The following GPM6A variants were observed in gnomAD, a reference collection of about 807,000 sequenced individuals.
The protein encoded by GPM6A is glycoprotein M6A, also known as neuronal membrane glycoprotein M6-a.
Under a neutral mutation model 32.1 loss-of-function variants are expected in GPM6A, and 7 were observed. That is an observed-to-expected ratio of 0.22 (90% CI 0.12 to 0.41). The LOEUF (loss-of-function observed/expected upper bound fraction) is 0.41. Among genes scored for constraint, GPM6A ranks in the 10% least tolerant of loss-of-function variants. The probability of loss-of-function intolerance (pLI) is 1.00; values close to 1 mark genes in which losing one functional copy is unlikely to be tolerated. For missense variants in GPM6A, 235 were observed against 347.2 expected (o/e 0.68, Z 2.57); for synonymous variants, 130 against 123.4 (o/e 1.05, Z -0.35).
chr4:175,876,388 G>C (rs1737085824), intron 1 of GPM6A, among the ~76,000 whole-genome samples: 2 of 152,144 alleles, frequency 1.3e-5, no homozygotes, highest in Admixed American at 1.3e-4. Context: ...AAAGTAATAA[G>C]GAAGTTTTAA....
intron 6 of GPM6A, among the ~76,000 whole-genome samples, chr4:175,635,771 T>A (rs1017815810): frequency 6.6e-6 from 1 of 152,132 alleles, no homozygotes; most frequent in Admixed American, 6.6e-5. Context: ...GTTTTTCTTT[T>A]CTTTCTTCCC....
chr4:175,818,804 T>C (rs190781823), intron 1 of GPM6A, among the ~76,000 whole-genome samples: 9 of 152,264 alleles, frequency 5.9e-5, no homozygotes, highest in Admixed American at 5.9e-4. Flanking sequence ...GGCAAAACGA[T>C]AATGAGATAT....
At chr4:175,820,125 G>A (rs1241292606) in intron 1 of GPM6A, among the ~76,000 whole-genome samples, 1 of 152,156 alleles carries the variant, frequency 6.6e-6, no homozygotes, top group African/African-American at 2.4e-5. Context: ...CTCAGTGGAC[G>A]TATCTCTGAT....
chr4:175,835,093 G>T (rs979838110), intron 1 of GPM6A, among the ~76,000 whole-genome samples: 2 of 152,136 alleles, frequency 1.3e-5, no homozygotes, highest in Non-Finnish European at 2.9e-5. Flanking sequence ...TATCTTGGGC[G>T]CTTGTTAAAA....
chr4:175,930,276 G>A (rs1738985579), intron 1 of GPM6A, among the ~76,000 whole-genome samples: 1 of 151,898 alleles, frequency 6.6e-6, no homozygotes, highest in Admixed American at 6.6e-5. Flanking sequence ...AAACTGCCAG[G>A]GAAGTTTATT....
intron 1 of GPM6A, among the ~76,000 whole-genome samples, chr4:175,806,537 A>G (rs757460374): frequency 6.6e-6 from 1 of 152,246 alleles, no homozygotes; most frequent in Non-Finnish European, 1.5e-5. Flanking sequence ...ACAGACACTA[A>G]AAGAAACCAT....
chr4:175,640,790 A>G lies in GPM6A; in HGVS notation c.581T>C (p.Val194Ala). ...GCACATCCTCAAGAAATTCTCAGAG[A>G]CAGTACAAATTTTCTTTTCCTCTCC... ...TIGEEKKICT[V>A]SENFLRMCES... Residue 194 changes from valine (V) to alanine (A), a missense_variant, in exon 5 of 7, where the codon GTC becomes GCC. Val to Ala is a moderately conservative substitution (Grantham distance 64). Around this residue, in one of 3 missense-constraint regions of GPM6A, gnomAD observed 107 missense variants for 116.7 expected, o/e 0.92. Coordinates refer to ENST00000393658, the MANE Select transcript of GPM6A (RefSeq NM_201591.3). The G allele has an allele frequency of 6.2e-7, 1 of 1,610,606 alleles. No individual in the cohort carries two copies. Among genetic ancestry groups the G allele is most frequent in the Non-Finnish European group, 8.5e-7 (1 of 1,177,222 alleles).
At chr4:175,644,216 C>T (rs927614570) in intron 4 of GPM6A, among the ~76,000 whole-genome samples, 1 of 151,050 alleles carries the variant, frequency 6.6e-6, no homozygotes, top group Non-Finnish European at 1.5e-5. Flanking sequence ...CTCCGCTTCC[C>T]GGGTTCACGC....
chr4:175,667,671 G>A (rs532412158), intron 3 of GPM6A, among the ~76,000 whole-genome samples: 24 of 152,182 alleles, frequency 1.6e-4, no homozygotes, highest in African/African-American at 3.9e-4. Flanking sequence ...GAACTGTACC[G>A]TCTTTACCTT....
chr4:175,765,780 TC>T (rs1270645731), intron 1 of GPM6A, among the ~76,000 whole-genome samples: 1 of 152,174 alleles, frequency 6.6e-6, no homozygotes, highest in Non-Finnish European at 1.5e-5. Context: ...CAAATTCACT[TC>T]CTGGCTCTCT....
At chr4:175,754,162 C>T (rs904290397) in intron 1 of GPM6A, among the ~76,000 whole-genome samples, 1 of 152,092 alleles carries the variant, frequency 6.6e-6, no homozygotes, top group Non-Finnish European at 1.5e-5. Context: ...TGCTAATTCC[C>T]ACTAAAACAC....
intron 1 of GPM6A, among the ~76,000 whole-genome samples, chr4:175,753,968 G>A (rs985707094): frequency 2.6e-5 from 4 of 152,058 alleles, no homozygotes; most frequent in African/African-American, 9.7e-5. Flanking sequence ...TAAAGGGAGA[G>A]AGCATTTTCT....
chr4:175,695,590 C>T (rs1165882209), intron 2 of GPM6A, among the ~76,000 whole-genome samples: 1 of 152,192 alleles, frequency 6.6e-6, no homozygotes, highest in Non-Finnish European at 1.5e-5. Context: ...GGAGTATTTA[C>T]CCAATGCCTG....
chr4:175,727,437 T>G (rs1205811315), intron 1 of GPM6A, among the ~76,000 whole-genome samples: 1 of 152,224 alleles, frequency 6.6e-6, no homozygotes. Flanking sequence ...CAAATTCATC[T>G]TGTCTGTATT....
intron 1 of GPM6A, among the ~76,000 whole-genome samples, chr4:175,856,014 C>T (rs947728148): frequency 1.4e-4 from 22 of 152,032 alleles, no homozygotes; most frequent in Non-Finnish European, 2.6e-4. Context: ...ATGACTGATT[C>T]TAGGACTGGG....
intron 1 of GPM6A, among the ~76,000 whole-genome samples, chr4:175,983,440 C>G (rs569704660): frequency 6.6e-6 from 1 of 152,270 alleles, no homozygotes; most frequent in South Asian, 2.1e-4. Context: ...TGTCCTTTAA[C>G]AGGTTAAGGA....
At chr4:175,877,021 C>T (rs187675502) in intron 1 of GPM6A, among the ~76,000 whole-genome samples, 107 of 152,270 alleles carry the variant, frequency 7.0e-4, no homozygotes, top group African/African-American at 2.5e-3. Flanking sequence ...AAACCAGCTC[C>T]CCAGCTTTGG....
Position 175,725,993 on chromosome 4 carries a change from C to CTTTTTTTTTT in GPM6A, c.38-24236_38-24227dup, listed in dbSNP as rs377474451. Among the ~76,000 whole-genome samples the CTTTTTTTTTT allele has an allele frequency of 1.6e-5, 2 of 121,958 alleles. 1 individual carries two copies. The highest frequency in any genetic ancestry group is 3.2e-5 in the Non-Finnish European group (2 of 61,704). 80.0% of individuals were successfully genotyped at this position (121,958 alleles called of 152,430 possible). ...ATGTTTTCCAAATACCCTGTTTCTT[C>CTTTTTTTTTT]TTTTTTTTTTTTTTTTTTTAAGACG... On this transcript the variant is annotated intron_variant, in intron 1 of 6. Transcript: ENST00000393658.
upstream of GPM6A, among the ~76,000 whole-genome samples, chr4:175,814,186 A>G (rs13111643): frequency 0.34 from 51,297 of 152,184 alleles, 9,530 homozygotes; most frequent in South Asian, 0.45. Context: ...CAATAATGTC[A>G]CCTTAAATTT....
Sources: gnomAD v4.1 joint callset for allele counts (sites outside exome capture counted in the v4.1 genomes callset) on GRCh38, gnomAD v4.1.1 for gene constraint, gnomAD v4.1.1 regional missense constraint, MANE v1.5 for transcripts, NCBI Gene and HGNC (gene_info 2026-07-23, HGNC 2026-07-21) for gene names.